Variants in ANXA2 observed in about 807,000 individuals in gnomAD.
The protein encoded by ANXA2 is annexin A2, also known as annexin II.
Under a neutral mutation model 47.3 loss-of-function variants are expected in ANXA2, and 28 were observed. The ratio of observed to expected loss-of-function variants is 0.59; its 90% CI spans 0.44 to 0.81. The LOEUF (loss-of-function observed/expected upper bound fraction) is 0.81, where lower values mean the gene tolerates loss of function less well. ANXA2 is among the 40% of genes least tolerant of loss of function. ANXA2 has a pLI of 0.00. For synonymous variants in ANXA2, 172 were observed against 155.5 expected (o/e 1.11, Z -0.79); for missense variants, 384 against 414.3 (o/e 0.93, Z 0.64).
chr15:60,362,996 A>G (rs900848003), intron 4 of ANXA2: 1 of 107,362 alleles, frequency 9.3e-6, no homozygotes, highest in African/African-American at 3.4e-5. Flanking sequence ...CACCACTGCA[A>G]TCAAGCCTGG....
rs548977832 is a variant in ANXA2 at position 60,350,449 on chromosome 15, AT to A, written c.837+743del. 4.3e-4 allele frequency among the ~76,000 whole-genome samples: 65 copies of A among 152,290 alleles called. 1 individual carries two copies. The highest frequency in any genetic ancestry group is 1.5e-3 in the African/African-American group (62 of 41,536). On this transcript the variant is annotated intron_variant, in intron 11 of 12. Transcript: ENST00000451270. ...TGTGCCATTTCTAATGATATGTGCA[AT>A]AAAGACCACTGAGTTTACTTCCAGA...
rs375909901 is a variant in ANXA2, at chr15:60,354,217, T to C, written c.529-4A>G. The C allele has an allele frequency of 7.0e-5, 112 of 1,604,894 alleles. No individual in the cohort carries two copies. Among genetic ancestry groups the C allele is most frequent in the Non-Finnish European group, 7.9e-5 (93 of 1,176,680 alleles). ...AGCCATCCTCTGCTCTTCTACCCTA[T>C]GGGGGAAAGAAAAAGAACTTCAAAT... On this transcript the variant is annotated splice_region_variant and splice_polypyrimidine_tract_variant and intron_variant, in intron 7 of 12. Coordinates refer to ENST00000451270, the MANE Select transcript of ANXA2 (RefSeq NM_004039.3).
At chr15:60,384,643 G>C (rs2062908812) in intron 2 of ANXA2, 1 of 152,130 alleles carries the variant, frequency 6.6e-6, no homozygotes, top group Non-Finnish European at 1.5e-5. Context: ...TCAACATGCA[G>C]TTTGTATTGT....
intron 3 of ANXA2, among the ~76,000 whole-genome samples, chr15:60,368,316 A>AAAATTAAAATAAAAT (rs57187491): frequency 8.8e-6 from 1 of 113,980 alleles, no homozygotes; most frequent in African/African-American, 3.2e-5. Context: ...AATAAAAAAA[A>AAAATTAAAATAAAAT]AAAATAAAAT....
Position 60,392,184 on chromosome 15 carries a change from G to GAA in ANXA2, c.-12+5757_-12+5758dup, listed in dbSNP as rs1167543516. On this transcript the variant is annotated intron_variant, in intron 1 of 12. Transcript: ENST00000451270. ...TGAAAAGAACAGTTTCTTCTGCCTT[G>GAA]AAAAGGCTGATAAATGAGACTGTGA... Among the ~76,000 whole-genome samples, 6 of 152,284 alleles carry GAA rather than the reference G, an allele frequency of 3.9e-5. No homozygotes were observed. The East Asian group carries it at 1.2e-3, about 29-fold the overall frequency.
At chr15:60,388,244 A>G (rs1315446437) in intron 1 of ANXA2, among the ~76,000 whole-genome samples, 1 of 152,138 alleles carries the variant, frequency 6.6e-6, no homozygotes, top group Non-Finnish European at 1.5e-5. Context: ...ACCGTCCAAT[A>G]CAGTAGCCAC....
chr15:60,395,836 T>C (rs952606790), intron 1 of ANXA2: 1 of 152,188 alleles, frequency 6.6e-6, no homozygotes, highest in African/African-American at 2.4e-5. Context: ...AAACCTCCAA[T>C]TGTAAAAATG....
At chr15:60,369,519 G>A (rs2062684619) in intron 3 of ANXA2, among the ~76,000 whole-genome samples, 1 of 152,220 alleles carries the variant, frequency 6.6e-6, no homozygotes, top group Non-Finnish European at 1.5e-5. Flanking sequence ...CAAGAACAGT[G>A]ACCCATAAAA....
intron 3 of ANXA2, among the ~76,000 whole-genome samples, chr15:60,365,843 C>CTT (rs2062587856): frequency 2.6e-5 from 2 of 77,426 alleles, no homozygotes; most frequent in Non-Finnish European, 5.1e-5. Context: ...TCTCCCTCTC[C>CTT]CTCTCCCCCT....
chr15:60,363,181 C>G (rs1356768247), intron 4 of ANXA2, among the ~76,000 whole-genome samples: 5 of 152,044 alleles, frequency 3.3e-5, no homozygotes, highest in Admixed American at 6.6e-5. Flanking sequence ...CCACTGGGAA[C>G]TTGGCTCTAC....
intron 3 of ANXA2, among the ~76,000 whole-genome samples, chr15:60,381,543 C>T (rs2062859313): frequency 6.6e-6 from 1 of 152,118 alleles, no homozygotes; most frequent in African/African-American, 2.4e-5. Flanking sequence ...AGCTCTTGCT[C>T]AACCCTAACC....
At chr15:60,390,034 C>A (rs2062987091) in intron 1 of ANXA2, among the ~76,000 whole-genome samples, 1 of 152,204 alleles carries the variant, frequency 6.6e-6, no homozygotes, top group Admixed American at 6.5e-5. Flanking sequence ...TTGACCTCAT[C>A]TTCCCTACAT....
At position 60,357,209 on chromosome 15, in the gene ANXA2, T is replaced by C. The variant is rs762526964; in HGVS notation, c.385A>G (p.Ile129Val). The part of the protein sequence containing the change: ...KGLGTDEDSL[I>V]EIICSRTNQE... ...TTGGTTCTGGAGCAGATGATCTCAA[T>C]GAGAGAGTCCTCGTCGGTTCCCAGC... The change falls in exon 6 of 13, where the codon ATT (isoleucine) becomes GTT (valine). Residue 129 changes from isoleucine (I) to valine (V), a missense_variant. Transcript: ENST00000451270. The C allele has an allele frequency of 6.2e-7, 1 of 1,614,212 alleles. No individual in the cohort carries two copies. Among genetic ancestry groups the C allele is most frequent in the East Asian group, 2.2e-5 (1 of 44,882 alleles).
At chr15:60,369,040 T>C (rs1041466862) in intron 3 of ANXA2, among the ~76,000 whole-genome samples, 2 of 152,256 alleles carry the variant, frequency 1.3e-5, no homozygotes, top group African/African-American at 2.4e-5. Context: ...CCCATCCCTG[T>C]ATGTGTTATG....
intron 3 of ANXA2, among the ~76,000 whole-genome samples, chr15:60,369,277 C>T (rs2062680912): frequency 6.6e-6 from 1 of 152,254 alleles, no homozygotes; most frequent in Non-Finnish European, 1.5e-5. Context: ...TGCCTACCCA[C>T]ACATGCGTGT....
Position 60,352,582 on chromosome 15 carries a change from C to T in ANXA2, c.589-106G>A, listed in dbSNP as rs938637934. 34 of 782,226 alleles carry T rather than the reference C, an allele frequency of 4.3e-5. No homozygotes were observed. The highest frequency in any genetic ancestry group is 5.8e-5 in the Non-Finnish European group (27 of 464,958). 48.5% of individuals were successfully genotyped at this position (782,226 alleles called of 1,614,324 possible). A position where few individuals can be genotyped will look rare whatever the true frequency, so the allele number is the denominator to read the frequency against. ...AAAGCTACACATTCAAAATGCCAAA[C>T]GAGGAAAGATGATTATACTGCAGAC... On this transcript the variant is annotated intron_variant, in intron 8 of 12. Coordinates refer to ENST00000451270, the MANE Select transcript of ANXA2 (RefSeq NM_004039.3). The surrounding 1 kb of genome is among the most constrained non-coding windows in gnomAD (Gnocchi z 4.2).
chr15:60,376,833 G>A (rs1566943767), intron 3 of ANXA2, among the ~76,000 whole-genome samples: 2 of 152,146 alleles, frequency 1.3e-5, no homozygotes, highest in African/African-American at 4.8e-5. Flanking sequence ...CCGTGTACTC[G>A]ACAGCAGCTG....
Position 60,352,524 on chromosome 15 carries a change from C to T in ANXA2, c.589-48G>A, listed in dbSNP as rs377502196. ...AAAGTTAACTACACATCCAATGTAA[C>T]GTCAAAAAAAATGTCATGCAAAAAA... On this transcript the variant is annotated intron_variant, in intron 8 of 12. Coordinates refer to ENST00000451270, the MANE Select transcript of ANXA2 (RefSeq NM_004039.3). The surrounding 1 kb of genome is among the most constrained non-coding windows in gnomAD (Gnocchi z 4.2). 154 of 1,352,784 alleles carry T rather than the reference C, an allele frequency of 1.1e-4. No homozygotes were observed. The highest frequency in any genetic ancestry group is 2.2e-4 in the African/African-American group (15 of 68,034). The allele number at this position is 1,352,784 out of a possible 1,614,324, so 83.8% of individuals were successfully genotyped here. A position where few individuals can be genotyped will look rare whatever the true frequency, so the allele number is the denominator to read the frequency against.
Position 60,349,161 on chromosome 15 carries a change from T to C in ANXA2, c.874A>G (p.Met292Val), listed in dbSNP as rs1566927768. 2.5e-6 allele frequency: 4 copies of C among 1,613,978 alleles called. No individual in the cohort carries two copies. The highest frequency in any genetic ancestry group is 2.7e-5 in the African/African-American group (2 of 74,940). ...GTRDKVLIRI[M>V]VSRSEVDMLK... Reference sequence around the variant, plus strand: ...ATGTCCACTTCACTGCGGGAGACCATGATTCTGATCAGGACCTTATCTCGC... The same window carrying C: ...ATGTCCACTTCACTGCGGGAGACCACGATTCTGATCAGGACCTTATCTCGC... The change falls in exon 12 of 13, where the codon ATG becomes GTG. Residue 292 changes from methionine to valine, a missense_variant. Physicochemically the swap from Met to Val is conservative, Grantham distance 21. Transcript: ENST00000451270.
Sources: gnomAD v4.1 joint callset for allele counts (sites outside exome capture counted in the v4.1 genomes callset) on GRCh38, gnomAD v4.1.1 for gene constraint, Gnocchi (gnomAD v3.1) non-coding constraint, MANE v1.5 for transcripts, NCBI Gene and HGNC (gene_info 2026-07-23, HGNC 2026-07-21) for gene names.